The following RNF128 variants were observed in gnomAD, a reference collection of about 807,000 sequenced individuals.
The protein encoded by RNF128 is E3 ubiquitin-protein ligase RNF128.
Under a neutral mutation model 26.2 loss-of-function variants are expected in RNF128, and 13 were observed. The ratio of observed to expected loss-of-function variants is 0.50; its 90% confidence interval spans 0.32 to 0.79. The LOEUF (loss-of-function observed/expected upper bound fraction) is 0.79. Ranked by LOEUF, RNF128 falls within the 30% of genes least tolerant of loss-of-function variation. The probability of loss-of-function intolerance (pLI) is 0.03; values close to 1 mark genes in which losing one functional copy is unlikely to be tolerated. For synonymous variants in RNF128, 149 were observed against 142.5 expected (o/e 1.05, Z -0.32); for missense variants, 315 against 349.7 (o/e 0.90, Z 0.79).
intron 1 of RNF128, among the ~76,000 whole-genome samples, chrX:106,757,699 C>T (rs1003314325): frequency 9.5e-6 from 1 of 104,721 alleles, no homozygotes; most frequent in Non-Finnish European, 2.0e-5. Flanking sequence ...CTAACCTGCA[C>T]AATGTGCACA....
intron 1 of RNF128, among the ~76,000 whole-genome samples, chrX:106,715,515 A>G (rs1929198828): frequency 1.8e-5 from 2 of 112,022 alleles, no homozygotes; most frequent in Non-Finnish European, 3.8e-5. Flanking sequence ...CTGCTAAGAC[A>G]GATGCCCTAA....
chrX:106,792,810 A>G (rs769430717), intron 6 of RNF128, among the ~76,000 whole-genome samples: 1 of 111,533 alleles, frequency 9.0e-6, no homozygotes, highest in Non-Finnish European at 1.9e-5. Flanking sequence ...GTTCTTTTGG[A>G]TAAGAACAGT....
At chrX:106,696,946 G>A (rs1178220521) in intron 1 of RNF128, among the ~76,000 whole-genome samples, 2 of 111,804 alleles carry the variant, frequency 1.8e-5, no homozygotes, top group African/African-American at 3.3e-5. Flanking sequence ...TGTTTTGGGG[G>A]AGAGTTGAAG....
intron 1 of RNF128, among the ~76,000 whole-genome samples, chrX:106,740,682 G>A (rs1044656042): frequency 1.8e-5 from 2 of 110,992 alleles, no homozygotes; most frequent in East Asian, 2.8e-4. Flanking sequence ...CATTCCTCCC[G>A]TCTCAGCTTC....
At chrX:106,774,828 G>A (rs1427072418) in intron 2 of RNF128, among the ~76,000 whole-genome samples, 1 of 111,688 alleles carries the variant, frequency 9.0e-6, no homozygotes, top group Non-Finnish European at 1.9e-5. Context: ...TTCTCTAAAG[G>A]CGATCGATTT....
rs140545218 is a variant in RNF128 at position 106,790,360 on chromosome X, T to G, written c.984+78T>G. 523 of 679,278 alleles carry G rather than the reference T, an allele frequency of 7.7e-4. 2 individuals carry two copies. The African/African-American group carries it at 0.01, about 13-fold the overall frequency. The allele number at this position is 679,278 out of a possible 1,213,427, so 56.0% of individuals were successfully genotyped here. A position where few individuals can be genotyped will look rare whatever the true frequency, so the allele number is the denominator to read the frequency against. ...AAATAACAAAATAACATCCTTATTT[T>G]TTCGCTATGTAATACACCATACTTA... On this transcript the variant is annotated intron_variant, in intron 5 of 6. Transcript: ENST00000255499.
chrX:106,769,399 TG>T (rs1392623846), intron 1 of RNF128, among the ~76,000 whole-genome samples: 1 of 111,416 alleles, frequency 9.0e-6, no homozygotes, highest in Non-Finnish European at 1.9e-5. Context: ...TGGGTGCTCC[TG>T]TATTGGGTGC....
At chrX:106,786,151 A>G (rs1930654982) in intron 3 of RNF128, among the ~76,000 whole-genome samples, 1 of 112,030 alleles carries the variant, frequency 8.9e-6, no homozygotes, top group Non-Finnish European at 1.9e-5. Context: ...TGGATGATTC[A>G]TGCTACCTGA....
At chrX:106,790,145 G>A (rs777128457) in intron 4 of RNF128, 41 bp from the exon 5 acceptor site, 1 of 856,577 alleles carries the variant, frequency 1.2e-6, no homozygotes, top group Non-Finnish European at 1.7e-6. Context: ...GTAAAGTGTT[G>A]CTACTTTACA....
At chrX:106,749,957 A>G (rs1259205905) in intron 1 of RNF128, among the ~76,000 whole-genome samples, 1 of 112,346 alleles carries the variant, frequency 8.9e-6, no homozygotes, top group Non-Finnish European at 1.9e-5. Context: ...ATAGCAAAGT[A>G]AAATAGTTAC....
Position 106,742,865 on chromosome X carries a change from A to G in RNF128, c.484+15468A>G, listed in dbSNP as rs1275789515. Among the ~76,000 whole-genome samples, 3 of 111,037 alleles carry G rather than the reference A, an allele frequency of 2.7e-5. No homozygotes were observed. In the East Asian group the frequency reaches 8.4e-4, roughly 31 times the overall value. On this transcript the variant is annotated intron_variant, in intron 1 of 6. Transcript: ENST00000255499. ...GAATAATTAATTTTATTAAATCTCT[A>G]CCCTGCACAACTATGTATATAGTGT...
chrX:106,719,625 G>T (rs1929277836), intron 1 of RNF128, among the ~76,000 whole-genome samples: 1 of 111,395 alleles, frequency 9.0e-6, no homozygotes, highest in South Asian at 3.8e-4. Context: ...TTTGTCCTAG[G>T]CAATGGCAAG....
intron 1 of RNF128, among the ~76,000 whole-genome samples, chrX:106,768,631 G>T (rs1207752842): frequency 4.5e-5 from 5 of 111,095 alleles, no homozygotes; most frequent in African/African-American, 1.6e-4. Flanking sequence ...TCTTGCTAGT[G>T]GTCTATCAAT....
At chrX:106,774,423 C>T (rs757637702) in intron 2 of RNF128, among the ~76,000 whole-genome samples, 1 of 111,168 alleles carries the variant, frequency 9.0e-6, no homozygotes, top group African/African-American at 3.3e-5. Flanking sequence ...CAGAAATTTT[C>T]CTCTCTCACT....
At chrX:106,700,944 G>C (rs1928947691) in intron 1 of RNF128, among the ~76,000 whole-genome samples, 1 of 111,529 alleles carries the variant, frequency 9.0e-6, no homozygotes, top group African/African-American at 3.3e-5. Context: ...TATTTAACCA[G>C]TCCCCTAGCA....
chrX:106,726,900 G>A lies in RNF128; in HGVS notation c.-14G>A. The stretch of plus-strand genomic sequence containing the variant: ...CGTGCCAGGGGCGCTAGGGAACTGC[G>A]GAGCGCGCGCGCCATGGGGCCGCCG... On this transcript the variant is annotated 5_prime_UTR_variant, in exon 1 of 7. Coordinates refer to ENST00000255499, the MANE Select transcript of RNF128 (RefSeq NM_194463.2). 2 of 1,161,454 alleles carry A rather than the reference G, an allele frequency of 1.7e-6. No homozygotes were observed. The highest frequency in any genetic ancestry group is 2.3e-6 in the Non-Finnish European group (2 of 872,264).
rs372716238 is a variant in RNF128, at chrX:106,779,348, CGTGT to C, written c.733-5678_733-5675del. 7.3e-3 allele frequency among the ~76,000 whole-genome samples: 661 copies of C among 90,061 alleles called. 9 individuals carry two copies. The South Asian group carries it at 0.1, about 14-fold the overall frequency. The allele number at this position is 90,061 out of a possible 115,157, so 78.2% of individuals were successfully genotyped here. ...TAATACATCTATCCCTACACAGTTA[CGTGT>C]GTGTGTGTGTGTGTGTGTGTGTGTG... is the stretch of plus-strand genomic sequence containing the variant. On this transcript the variant is annotated intron_variant, in intron 2 of 6. Coordinates refer to ENST00000255499, the MANE Select transcript of RNF128 (RefSeq NM_194463.2).
chrX:106,739,097 C>CTTCTA (rs1288196398), intron 1 of RNF128, among the ~76,000 whole-genome samples: 1 of 110,602 alleles, frequency 9.0e-6, no homozygotes, highest in Non-Finnish European at 1.9e-5. Flanking sequence ...CAATTTCTCT[C>CTTCTA]TTCTATTCTC....
At chrX:106,694,351 G>A in exon 1 of RNF128, 2 of 1,208,188 alleles carry the variant, frequency 1.7e-6, no homozygotes, top group Non-Finnish European at 2.2e-6. Context: ...TGCTGATGCT[G>A]TTGTGATTTA....
Sources: allele counts gnomAD v4.1 joint callset (sites outside exome capture counted in the v4.1 genomes callset), GRCh38; gene constraint gnomAD v4.1.1; transcripts MANE v1.5; gene names NCBI Gene and HGNC (gene_info 2026-07-23, HGNC 2026-07-21).